The following EPC1 variants were observed in gnomAD, a reference collection of about 807,000 sequenced individuals.
EPC1 encodes the protein enhancer of polycomb 1, also known as enhancer of polycomb homolog 1.
A neutral mutation model predicts 98.4 loss-of-function variants in EPC1; 12 were observed. The ratio of observed to expected loss-of-function variants is 0.12; its 90% CI spans 0.08 to 0.20. The LOEUF (loss-of-function observed/expected upper bound fraction) is 0.20, where lower values mean the gene tolerates loss of function less well. Ranked by LOEUF, EPC1 falls within the 10% of genes least tolerant of loss-of-function variation. The pLI, the probability that EPC1 is intolerant of heterozygous loss-of-function variation, is 1.00. For missense variants in EPC1, 729 were observed against 990.5 expected (o/e 0.74, Z 3.54); for synonymous variants, 357 against 363.9 (o/e 0.98, Z 0.21).
At chr10:32,288,509 C>T (rs1836817860) in intron 6 of EPC1, among the ~76,000 whole-genome samples, 1 of 151,820 alleles carries the variant, frequency 6.6e-6, no homozygotes, top group Admixed American at 6.6e-5. Context: ...GCAATTTGCG[C>T]TCGCTAATTT....
In EPC1 at chr10:32,339,917, C is replaced by T. The variant is rs577117608; in HGVS notation, c.153+6846G>A. ...AAAGTTTCCTTAGGATACACAATTG[C>T]TATTTGGATGCTCAGAGGATATACA... On this transcript the variant is annotated intron_variant, in intron 1 of 13. Transcript: ENST00000319778. Among the ~76,000 whole-genome samples the T allele has an allele frequency of 3.9e-5, 6 of 152,248 alleles. No homozygotes were observed. The South Asian group carries it at 8.3e-4, about 21-fold the overall frequency.
intron 1 of EPC1, among the ~76,000 whole-genome samples, chr10:32,375,378 C>G (rs1297575742): frequency 6.6e-6 from 1 of 152,030 alleles, no homozygotes; most frequent in Non-Finnish European, 1.5e-5. Context: ...CTACCATTAC[C>G]TATCATCTAA....
chr10:32,268,926 G>C lies in EPC1; in HGVS notation c.*137C>G. 1.5e-6 allele frequency: 1 copy of C among 671,886 alleles called. No homozygotes were observed. The highest frequency in any genetic ancestry group is 2.0e-5 in the South Asian group (1 of 50,540). The allele number at this position is 671,886 out of a possible 1,614,324, so 41.6% of individuals were successfully genotyped here. On this transcript the variant is annotated 3_prime_UTR_variant, in exon 14 of 14. Transcript: ENST00000319778. ...TAAGAAAAGAAAAATTGAAGCATGAGAGATGAGCATTGCTGTCAAGTCCCC... is the reference window on the plus strand; with the variant it reads ...TAAGAAAAGAAAAATTGAAGCATGACAGATGAGCATTGCTGTCAAGTCCCC...
intron 1 of EPC1, among the ~76,000 whole-genome samples, chr10:32,361,685 C>T (rs1839448658): frequency 6.6e-6 from 1 of 152,148 alleles, no homozygotes; most frequent in South Asian, 2.1e-4. Flanking sequence ...AAACTCTCAC[C>T]CATCGGGAGA....
At chr10:32,298,967 T>C (rs916882777) in intron 2 of EPC1, among the ~76,000 whole-genome samples, 3 of 152,194 alleles carry the variant, frequency 2.0e-5, no homozygotes, top group African/African-American at 4.8e-5. Flanking sequence ...AAAAAAACTT[T>C]ACTTAGAAGT....
intron 1 of EPC1, among the ~76,000 whole-genome samples, chr10:32,307,160 A>T (rs1356611267): frequency 6.6e-6 from 1 of 152,208 alleles, no homozygotes; most frequent in Non-Finnish European, 1.5e-5. Context: ...GCTGCATTAT[A>T]TTCCACTATA....
upstream of EPC1, among the ~76,000 whole-genome samples, chr10:32,351,519 A>G (rs1839108800): frequency 6.6e-6 from 1 of 151,622 alleles, no homozygotes; most frequent in South Asian, 2.1e-4. Context: ...TTAGCCAGGC[A>G]TGGTGGTGCA....
intron 1 of EPC1, among the ~76,000 whole-genome samples, chr10:32,324,776 G>C (rs549576758): frequency 6.6e-6 from 1 of 152,030 alleles, no homozygotes. Flanking sequence ...GGCGGATCAC[G>C]AGGTCAGGAG....
intron 2 of EPC1, among the ~76,000 whole-genome samples, chr10:32,304,196 T>C (rs1314584058): frequency 6.6e-6 from 1 of 152,194 alleles, no homozygotes; most frequent in African/African-American, 2.4e-5. Flanking sequence ...ATGTATTTTA[T>C]AGATTCTGAT....
At chr10:32,332,745 T>G (rs539796182) in intron 1 of EPC1, among the ~76,000 whole-genome samples, 1 of 152,248 alleles carries the variant, frequency 6.6e-6, no homozygotes, top group Non-Finnish European at 1.5e-5. Context: ...AAATGTTTGT[T>G]GTTTTAAACT....
chr10:32,303,801 G>A (rs1835716676), intron 2 of EPC1, among the ~76,000 whole-genome samples: 1 of 152,186 alleles, frequency 6.6e-6, no homozygotes, highest in Non-Finnish European at 1.5e-5. Context: ...ACATCTAACT[G>A]GTGAAATCTG....
At chr10:32,371,480 C>G (rs916120566) in intron 1 of EPC1, among the ~76,000 whole-genome samples, 2 of 152,190 alleles carry the variant, frequency 1.3e-5, no homozygotes, top group Non-Finnish European at 2.9e-5. Context: ...CTAAACTCTA[C>G]TTTTACCTAC....
In EPC1 at chr10:32,292,492, T is replaced by A. The variant is rs201589657; in HGVS notation, c.815+4A>T. The A allele has an allele frequency of 6.3e-5, 98 of 1,557,498 alleles. 1 individual carries two copies. The East Asian group carries it at 2.1e-3, about 34-fold the overall frequency. On this transcript the variant is annotated splice_donor_region_variant and intron_variant, in intron 5 of 13. Coordinates refer to ENST00000319778, the MANE Select transcript of EPC1 (RefSeq NM_001272004.3). Reference sequence around the variant, plus strand: ...TCCTCTAACATTATTAAAATATACATTACCTCTTTTCCATAATTTCCAGTG... The same window carrying A: ...TCCTCTAACATTATTAAAATATACAATACCTCTTTTCCATAATTTCCAGTG...
upstream of EPC1, among the ~76,000 whole-genome samples, chr10:32,347,982 A>G (rs1838967791): frequency 6.6e-6 from 1 of 152,230 alleles, no homozygotes; most frequent in African/African-American, 2.4e-5. Flanking sequence ...GGAAATTATT[A>G]CCCACCACTA....
chr10:32,360,130 A>G (rs1188198745), intron 1 of EPC1, among the ~76,000 whole-genome samples: 4 of 152,116 alleles, frequency 2.6e-5, no homozygotes, highest in Non-Finnish European at 1.5e-5. Context: ...TGTTTGTATC[A>G]TTAGTAGTTT....
chr10:32,291,012 G>A, intron 6 of EPC1, 151 bp downstream of exon 6: 1 of 618,824 alleles, frequency 1.6e-6, no homozygotes, highest in Non-Finnish European at 2.7e-6. Flanking sequence ...CCTGACCTCA[G>A]GTGATCTACC....
At chr10:32,342,633 G>A (rs1436379721) in intron 1 of EPC1, among the ~76,000 whole-genome samples, 2 of 152,194 alleles carry the variant, frequency 1.3e-5, no homozygotes, top group Admixed American at 1.3e-4. Flanking sequence ...TGACTGTAGG[G>A]TAGTATCAAT....
chr10:32,369,322 C>A (rs1202340092), intron 1 of EPC1, among the ~76,000 whole-genome samples: 1 of 152,118 alleles, frequency 6.6e-6, no homozygotes, highest in Non-Finnish European at 1.5e-5. Context: ...ATTGATGTAG[C>A]CATAGATTCT....
Position 32,286,720 on chromosome 10 carries a change from T to G in EPC1, c.1365A>C (p.Ala455=). Reference sequence around the variant, plus strand: ...TTCCACCGCGCCCAACCCGTCTTCGTGCAAATCCAATACACCTTTGGGGTA... The same window carrying G: ...TTCCACCGCGCCCAACCCGTCTTCGGGCAAATCCAATACACCTTTGGGGTA... ...LTVPQRCIGF[A]RRRVGRGGRV... The change falls in exon 9 of 14, where the codon GCA becomes GCC. Residue 455 remains alanine, a synonymous_variant. Coordinates refer to ENST00000319778, the MANE Select transcript of EPC1 (RefSeq NM_001272004.3). 3 of 1,614,176 alleles carry G rather than the reference T, an allele frequency of 1.9e-6. No homozygotes were observed. Among genetic ancestry groups the G allele is most frequent in the Non-Finnish European group, 2.5e-6 (3 of 1,180,044 alleles).
Sources: gnomAD v4.1 joint callset for allele counts (sites outside exome capture counted in the v4.1 genomes callset) on GRCh38, gnomAD v4.1.1 for gene constraint, MANE v1.5 for transcripts, NCBI Gene and HGNC (gene_info 2026-07-23, HGNC 2026-07-21) for gene names.